TRIM59: variants seen among roughly 807,000 people sequenced by gnomAD.
The protein encoded by TRIM59 is tripartite motif containing 59, also known as tripartite motif-containing protein 59.
In TRIM59, 14 loss-of-function variants were observed where a neutral mutation model predicts 32.2. That is an observed-to-expected ratio of 0.43 (90% CI 0.29 to 0.68). The LOEUF (loss-of-function observed/expected upper bound fraction) is 0.68, where lower values mean the gene tolerates loss of function less well. TRIM59 is among the 30% of genes least tolerant of loss of function. The probability of loss-of-function intolerance (pLI) is 0.15; values close to 1 mark genes in which losing one functional copy is unlikely to be tolerated. For synonymous variants in TRIM59, 163 were observed against 155.1 expected (o/e 1.05, Z -0.38); for missense variants, 471 against 463.3 (o/e 1.02, Z -0.15).
Position 160,436,575 on chromosome 3 carries a change from G to A in TRIM59, c.*1397C>T. On this transcript the variant is annotated 3_prime_UTR_variant, in exon 3 of 3. Transcript: ENST00000309784. The stretch of plus-strand genomic sequence containing the variant: ...GCATTTTGGGAGGCTGAGGCGAGTG[G>A]ATCATGAGGTCAGGAGATAGAGACC... The A allele has an allele frequency of 1.1e-6, 1 of 937,764 alleles. No homozygotes were observed. Among genetic ancestry groups the A allele is most frequent in the Non-Finnish European group, 1.3e-6 (1 of 786,374 alleles). The allele number at this position is 937,764 out of a possible 1,614,324, so 58.1% of individuals were successfully genotyped here.
Position 160,436,135 on chromosome 3 carries a change from TA to T in TRIM59, c.*1836del. ...CCACACAATAGTTAATTGTGCTAGG[TA>T]TAAGTCTGATTCTAATAATAAATTG... is the stretch of plus-strand genomic sequence containing the variant. On this transcript the variant is annotated 3_prime_UTR_variant, in exon 3 of 3. Transcript: ENST00000309784. The T allele has an allele frequency of 9.5e-7, 1 of 1,053,776 alleles. No individual in the cohort carries two copies. Among genetic ancestry groups the T allele is most frequent in the East Asian group, 8.8e-5 (1 of 11,302 alleles). 65.3% of individuals were successfully genotyped at this position (1,053,776 alleles called of 1,614,324 possible).
In TRIM59 at chr3:160,436,796, T is replaced by TCAA; in HGVS notation, c.*1173_*1175dup. On this transcript the variant is annotated 3_prime_UTR_variant, in exon 3 of 3. Coordinates refer to ENST00000309784, the MANE Select transcript of TRIM59 (RefSeq NM_173084.3). ...CTGGGCGACAGAGCAAGACTCCGTCTCAAAAAAAAAAAAAAAAAAAAAAAA... is the reference window on the plus strand; with the variant it reads ...CTGGGCGACAGAGCAAGACTCCGTCTCAACAAAAAAAAAAAAAAAAAAAAAAAA... The TCAA allele has an allele frequency of 2.5e-6, 1 of 405,036 alleles. No individual in the cohort carries two copies. Among genetic ancestry groups the TCAA allele is most frequent in the Middle Eastern group, 1.4e-3 (1 of 726 alleles). The allele number at this position is 405,036 out of a possible 1,614,324, so 25.1% of individuals were successfully genotyped here.
chr3:160,439,341 C>T (rs1439784665), intron 2 of TRIM59, among the ~76,000 whole-genome samples, 155 bp from the exon 3 acceptor site: 1 of 152,110 alleles, frequency 6.6e-6, no homozygotes, highest in Non-Finnish European at 1.5e-5. Flanking sequence ...TAATTCATTT[C>T]CTAGTATATA....
rs112880919 is a variant in TRIM59, at chr3:160,437,378, TTACTC to T, written c.*589_*593del. ...CAAAAATTTCTTTTAAAAAGCCACT[TTACTC>T]TAACAGTTATCCAAAAGCAATAGTT... On this transcript the variant is annotated 3_prime_UTR_variant, in exon 3 of 3. Coordinates refer to ENST00000309784, the MANE Select transcript of TRIM59 (RefSeq NM_173084.3). 11,620 of 985,234 alleles carry T rather than the reference TTACTC, an allele frequency of 0.012. 625 individuals are homozygous for T. In the African/African-American group the frequency reaches 0.14, roughly 12 times the overall value. 61.0% of individuals were successfully genotyped at this position (985,234 alleles called of 1,614,324 possible).
rs1400011082 is a variant in TRIM59, at chr3:160,447,094, T to C, written c.-4+1632A>G. Among the ~76,000 whole-genome samples, 6 of 152,282 alleles carry C rather than the reference T, an allele frequency of 3.9e-5. No individual in the cohort carries two copies. In the South Asian group the frequency reaches 8.3e-4, roughly 21 times the overall value. On this transcript the variant is annotated intron_variant, in intron 2 of 2. Coordinates refer to ENST00000309784, the MANE Select transcript of TRIM59 (RefSeq NM_173084.3). ...ATGTATTTAATACCACCAAACTGCA[T>C]ACTTAAAAAGATTAAAATGGTAAAT... is the stretch of plus-strand genomic sequence containing the variant.
rs574509704 is a variant in TRIM59 at position 160,449,627 on chromosome 3, C to T, written c.-74+90G>A. The T allele has an allele frequency of 1.0e-5, 13 of 1,289,682 alleles. 1 individual carries two copies. In the East Asian group the frequency reaches 6.7e-4, roughly 66 times the overall value. 79.9% of individuals were successfully genotyped at this position (1,289,682 alleles called of 1,614,324 possible). Reference sequence around the variant, plus strand: ...CGTCGCGCCCCCAGGACTCCCCGCCCAACACACTAGGCACACCAGACTGTG... The same window carrying T: ...CGTCGCGCCCCCAGGACTCCCCGCCTAACACACTAGGCACACCAGACTGTG... On this transcript the variant is annotated intron_variant, in intron 1 of 2. Coordinates refer to ENST00000309784, the MANE Select transcript of TRIM59 (RefSeq NM_173084.3).
chr3:160,436,553 T>G lies in TRIM59; in HGVS notation c.*1419A>C. On this transcript the variant is annotated 3_prime_UTR_variant, in exon 3 of 3. Transcript: ENST00000309784. Reference sequence around the variant, plus strand: ...GCGGCTCACGCCTATAATCCCAGCATTTTGGGAGGCTGAGGCGAGTGGATC... The same window carrying G: ...GCGGCTCACGCCTATAATCCCAGCAGTTTGGGAGGCTGAGGCGAGTGGATC... 1 of 983,006 alleles carries G rather than the reference T, an allele frequency of 1.0e-6. No homozygotes were observed. Among genetic ancestry groups the G allele is most frequent in the Non-Finnish European group, 1.2e-6 (1 of 827,754 alleles). The allele number at this position is 983,006 out of a possible 1,614,324, so 60.9% of individuals were successfully genotyped here.
At chr3:160,448,362 C>T (rs931901751) in intron 2 of TRIM59, among the ~76,000 whole-genome samples, 5 of 152,270 alleles carry the variant, frequency 3.3e-5, no homozygotes, top group African/African-American at 9.6e-5. Context: ...TTTAAAAAGA[C>T]CAATACATGA....
rs1443073461 is a variant in TRIM59 at position 160,438,936 on chromosome 3, A to C, written c.248T>G (p.Ile83Ser). The C allele has an allele frequency of 1.2e-6, 2 of 1,614,006 alleles. No individual in the cohort carries two copies. Among genetic ancestry groups the C allele is most frequent in the Admixed American group, 1.7e-5 (1 of 60,004 alleles). The stretch of plus-strand genomic sequence containing the variant: ...ATGGTCTTCTTGCTGGTACTTTTCA[A>C]TAATAGCCCTTAGTGCAAAATTAAC... ...LPVNFALRAI[I>S]EKYQQEDHPD... Residue 83 changes from isoleucine to serine, a missense_variant, in exon 3 of 3, where the codon ATT becomes AGT. Transcript: ENST00000309784.
At position 160,436,118 on chromosome 3, in the gene TRIM59, T is replaced by C. The variant is rs1429607470; in HGVS notation, c.*1854A>G. 5.5e-6 allele frequency: 6 copies of C among 1,089,372 alleles called. No homozygotes were observed. Among genetic ancestry groups the C allele is most frequent in the East Asian group, 7.8e-5 (1 of 12,774 alleles). The allele number at this position is 1,089,372 out of a possible 1,614,324, so 67.5% of individuals were successfully genotyped here. ...CTTTAAATGTTCTTTGCCCACACAA[T>C]AGTTAATTGTGCTAGGTATAAGTCT... On this transcript the variant is annotated 3_prime_UTR_variant, in exon 3 of 3. Transcript: ENST00000309784.
At chr3:160,441,768 A>G (rs896006591) in intron 2 of TRIM59, among the ~76,000 whole-genome samples, 93 of 151,356 alleles carry the variant, frequency 6.1e-4, no homozygotes, top group Non-Finnish European at 9.6e-4. Context: ...AAAAAAAAAA[A>G]AAAAGAAAAA....
At chr3:160,443,788 C>T (rs370948962) in intron 2 of TRIM59, among the ~76,000 whole-genome samples, 8 of 152,030 alleles carry the variant, frequency 5.3e-5, no homozygotes, top group South Asian at 2.1e-4. Flanking sequence ...TACAGGCGCC[C>T]GCCACCACGC....
Position 160,438,286 on chromosome 3 carries a change from C to T in TRIM59, c.898G>A (p.Val300Ile), listed in dbSNP as rs765406194. 1.2e-5 allele frequency: 19 copies of T among 1,613,594 alleles called. No homozygotes were observed. Among genetic ancestry groups the T allele is most frequent in the South Asian group, 4.4e-5 (4 of 91,052 alleles). ...SRTEIGQIKN[V>I]LIPKMKISPK... ...GAAATTTTCATTTTGGGAATGAGAACGTTCTTAATTTGTCCAATTTCTGTT... is the reference window on the plus strand; with the variant it reads ...GAAATTTTCATTTTGGGAATGAGAATGTTCTTAATTTGTCCAATTTCTGTT... The change falls in exon 3 of 3, where the codon GTT becomes ATT. Residue 300 changes from valine to isoleucine, a missense_variant. Transcript: ENST00000309784.
intron 2 of TRIM59, among the ~76,000 whole-genome samples, chr3:160,440,232 G>C (rs1208358778): frequency 6.6e-6 from 1 of 152,144 alleles, no homozygotes; most frequent in Non-Finnish European, 1.5e-5. Flanking sequence ...ATAAAAATCA[G>C]TTTGAAAGAT....
chr3:160,448,801 A>T lies in TRIM59; in HGVS notation c.-73-6T>A. 1 of 1,232,236 alleles carries T rather than the reference A, an allele frequency of 8.1e-7. No homozygotes were observed. Among genetic ancestry groups the T allele is most frequent in the Non-Finnish European group, 1.1e-6 (1 of 951,908 alleles). The allele number at this position is 1,232,236 out of a possible 1,614,324, so 76.3% of individuals were successfully genotyped here. The stretch of plus-strand genomic sequence containing the variant: ...CAGAATCTTTTATTCTTATTCTAAA[A>T]TTAAAATAATGTTATCTTTAATGTT... On this transcript the variant is annotated splice_region_variant and splice_polypyrimidine_tract_variant and intron_variant, in intron 1 of 2. Transcript: ENST00000309784.
At chr3:160,443,678 G>A (rs1212467000) in intron 2 of TRIM59, among the ~76,000 whole-genome samples, 7 of 151,758 alleles carry the variant, frequency 4.6e-5, no homozygotes. Flanking sequence ...TCGCTCTGTC[G>A]CCCAGGCTGG....
In TRIM59 at chr3:160,440,344, AAAG is replaced by A. The variant is rs551792981; in HGVS notation, c.-3-1161_-3-1159del. ...GACCATTAGTCATCTTTCCTTCATGAAAGTCTCTCGATCCGTATTTCTCTGAGA... is the reference window on the plus strand; with the variant it reads ...GACCATTAGTCATCTTTCCTTCATGATCTCTCGATCCGTATTTCTCTGAGA... On this transcript the variant is annotated intron_variant, in intron 2 of 2. Coordinates refer to ENST00000309784, the MANE Select transcript of TRIM59 (RefSeq NM_173084.3). Among the ~76,000 whole-genome samples the A allele has an allele frequency of 1.2e-4, 18 of 152,350 alleles. No individual in the cohort carries two copies. The South Asian group carries it at 3.5e-3, about 30-fold the overall frequency.
intron 2 of TRIM59, chr3:160,447,883 C>T (rs543284104): frequency 2.0e-5 from 3 of 152,316 alleles, no homozygotes; most frequent in African/African-American, 7.2e-5. Context: ...TCAAGACTTA[C>T]TTAAGAAATA....
intron 1 of TRIM59, chr3:160,449,406 A>T: frequency 1.0e-6 from 1 of 976,428 alleles, no homozygotes; most frequent in Non-Finnish European, 1.3e-6. Context: ...ACGCGCCTCC[A>T]CCTCGGCACC....
Sources: gnomAD v4.1 joint callset for allele counts (sites outside exome capture counted in the v4.1 genomes callset) on GRCh38, gnomAD v4.1.1 for gene constraint, MANE v1.5 for transcripts, NCBI Gene and HGNC (gene_info 2026-07-23, HGNC 2026-07-21) for gene names.